The following SLC5A11 variants were observed in gnomAD, a reference collection of about 807,000 sequenced individuals.
The protein encoded by SLC5A11 is sodium/myo-inositol cotransporter 2.
Under a neutral mutation model 69.8 loss-of-function variants are expected in SLC5A11, and 48 were observed. The ratio of observed to expected loss-of-function variants is 0.69; its 90% CI spans 0.55 to 0.87. SLC5A11 has a LOEUF of 0.87. SLC5A11 is among the 40% of genes least tolerant of loss of function. The probability of loss-of-function intolerance (pLI) is 0.00; values close to 1 mark genes in which losing one functional copy is unlikely to be tolerated. For synonymous variants in SLC5A11, 319 were observed against 342.4 expected, an observed-to-expected ratio of 0.93 and a Z score of 0.75; for missense variants, 784 against 866.1, an observed-to-expected ratio of 0.91 and a Z score of 1.19.
At chr16:24,858,354 A>G (rs772143833) in intron 1 of SLC5A11, among the ~76,000 whole-genome samples, 1 of 152,110 alleles carries the variant, frequency 6.6e-6, no homozygotes, top group East Asian at 1.9e-4. Context: ...GCAATTGTTT[A>G]TGCTTCTTTC....
chr16:24,876,778 C>T (rs189037020), intron 6 of SLC5A11, among the ~76,000 whole-genome samples: 7 of 152,246 alleles, frequency 4.6e-5, no homozygotes, highest in East Asian at 1.9e-4. Flanking sequence ...GCCCTCCAGA[C>T]GGAAGCACCA....
At chr16:24,877,504 T>TA (rs1250384390) in intron 7 of SLC5A11, 141 bp downstream of exon 8, 1 of 585,388 alleles carries the variant, frequency 1.7e-6, no homozygotes, top group Non-Finnish European at 3.0e-6. Flanking sequence ...TTACCCTAGA[T>TA]AAAAAGATTT....
chr16:24,872,113 CTTG>C, intron 4 of SLC5A11, 44 bp from the exon 6 acceptor site: 1 of 1,613,034 alleles, frequency 6.2e-7, no homozygotes, highest in Non-Finnish European at 8.5e-7. Flanking sequence ...AAATGGGTAC[CTTG>C]TTGTGAGCTG....
intron 13 of SLC5A11, 59 bp downstream of exon 14, chr16:24,908,190 T>A (rs548832297): frequency 6.6e-7 from 1 of 1,509,382 alleles, no homozygotes; most frequent in South Asian, 1.3e-5. Context: ...AGGACTGGGA[T>A]AGGATGGGAG....
chr16:24,860,869 A>G (rs2059739652), intron 2 of SLC5A11, among the ~76,000 whole-genome samples: 1 of 151,870 alleles, frequency 6.6e-6, no homozygotes, highest in African/African-American at 2.4e-5. Context: ...CCATGCCCGG[A>G]TAATTTTTTT....
At position 24,884,853 on chromosome 16, in the gene SLC5A11, G is replaced by A. The variant is rs372490351; in HGVS notation, c.664+722G>A. ...CCTCCTGGGCTCAAGCAATCCTCCC[G>A]CCTCAGCCTCCCAAGTAGCTGGGCC... On this transcript the variant is annotated intron_variant, in intron 8 of 15. Coordinates refer to ENST00000347898, the Ensembl canonical transcript of SLC5A11. Among the ~76,000 whole-genome samples, 26 of 151,754 alleles carry A rather than the reference G, an allele frequency of 1.7e-4. No individual in the cohort carries two copies. The South Asian group carries it at 4.6e-3, about 27-fold the overall frequency.
intron 1 of SLC5A11, among the ~76,000 whole-genome samples, chr16:24,851,971 C>CTCTG (rs1305305184): frequency 1.1e-5 from 1 of 88,970 alleles, no homozygotes; most frequent in African/African-American, 4.0e-5. Context: ...TCCCTTGCTT[C>CTCTG]TCTCTCTCTC....
At chr16:24,897,631 G>A (rs560360234) in intron 9 of SLC5A11, among the ~76,000 whole-genome samples, 116 of 152,280 alleles carry the variant, frequency 7.6e-4, no homozygotes, top group Non-Finnish European at 1.4e-3. Flanking sequence ...TTTATAAAGA[G>A]GTTGAATGGA....
rs748412604 is a variant in SLC5A11 at position 24,885,656 on chromosome 16, C to CAAA, written c.664+1548_664+1550dup. On this transcript the variant is annotated intron_variant, in intron 8 of 15. Transcript: ENST00000347898. Reference sequence around the variant, plus strand: ...TTTGAGACAGAGTGAGACCCTGTCTCAAAAAAAAAAAAAAAAAAAAAAAAA... The same window carrying CAAA: ...TTTGAGACAGAGTGAGACCCTGTCTCAAAAAAAAAAAAAAAAAAAAAAAAAAAA... Among the ~76,000 whole-genome samples the CAAA allele has an allele frequency of 1.9e-3, 125 of 65,924 alleles. 1 individual carries two copies. The highest frequency in any genetic ancestry group is 7.1e-3 in the African/African-American group (111 of 15,632). The allele number at this position is 65,924 out of a possible 152,430, so 43.2% of individuals were successfully genotyped here.
intron 7 of SLC5A11, among the ~76,000 whole-genome samples, chr16:24,881,074 C>T (rs1033529225): frequency 6.6e-6 from 1 of 151,682 alleles, no homozygotes; most frequent in South Asian, 2.1e-4. Flanking sequence ...GGCGTGGTGG[C>T]GGGCACCTGT....
chr16:24,901,195 C>T (rs569972586), intron 10 of SLC5A11, among the ~76,000 whole-genome samples: 1 of 152,300 alleles, frequency 6.6e-6, no homozygotes, highest in African/African-American at 2.4e-5. Context: ...ACACAGTAAG[C>T]TCTATCCAAG....
intron 2 of SLC5A11, among the ~76,000 whole-genome samples, chr16:24,861,249 C>T (rs2059757634): frequency 1.3e-5 from 2 of 151,840 alleles, no homozygotes; most frequent in South Asian, 2.1e-4. Context: ...TTTGGGAGGC[C>T]GAAGTGAACA....
chr16:24,908,238 T>C, intron 13 of SLC5A11, 107 bp downstream of exon 14: 1 of 1,301,386 alleles, frequency 7.7e-7, no homozygotes, highest in African/African-American at 1.5e-5. Flanking sequence ...TGGAATTGGG[T>C]GTTGAGAGGG....
At chr16:24,884,237 C>G in intron 8 of SLC5A11, 106 bp downstream of exon 9, 1 of 1,075,398 alleles carries the variant, frequency 9.3e-7, no homozygotes, top group Non-Finnish European at 1.4e-6. Context: ...AAAGAGCATA[C>G]TACTGGGGAA....
chr16:24,905,640 GCACACACACACACACACACACA>G (rs56335988), intron 10 of SLC5A11, among the ~76,000 whole-genome samples: 2 of 136,698 alleles, frequency 1.5e-5, no homozygotes, highest in African/African-American at 2.8e-5. Flanking sequence ...GCGCGCGCGC[GCACACACACACACACACACACA>G]CACACACACA....
chr16:24,889,509 G>A (rs576947541), intron 8 of SLC5A11, among the ~76,000 whole-genome samples: 22 of 141,746 alleles, frequency 1.6e-4, no homozygotes, highest in African/African-American at 5.7e-4. Context: ...AACAAAACCT[G>A]AAACCATTAT....
intron 13 of SLC5A11, 30 bp downstream of exon 14, chr16:24,908,161 A>G (rs758810290): frequency 1.6e-4 from 241 of 1,541,320 alleles, no homozygotes; most frequent in Non-Finnish European, 2.0e-4. Flanking sequence ...ACTATGCCAG[A>G]ACCAAGTGCT....
chr16:24,856,449 C>G (rs548162419), intron 1 of SLC5A11, among the ~76,000 whole-genome samples: 36 of 151,846 alleles, frequency 2.4e-4, no homozygotes, highest in African/African-American at 8.7e-4. Context: ...ATAGGGAAAC[C>G]TTGTCTCTTA....
intron 8 of SLC5A11, among the ~76,000 whole-genome samples, chr16:24,884,364 T>C (rs976411639): frequency 2.0e-5 from 3 of 152,254 alleles, no homozygotes; most frequent in Non-Finnish European, 1.5e-5. Flanking sequence ...AGGATCTTGC[T>C]CTGTCAGTCA....
Sources: gnomAD v4.1 joint callset for allele counts (sites outside exome capture counted in the v4.1 genomes callset) on GRCh38, gnomAD v4.1.1 for gene constraint, MANE v1.5 for transcripts, NCBI Gene and HGNC (gene_info 2026-07-23, HGNC 2026-07-21) for gene names.